The following ZNF623 variants were observed in gnomAD, a reference collection of about 807,000 sequenced individuals.
ZNF623 encodes zinc finger protein 623.
Under a neutral mutation model 24.0 loss-of-function variants are expected in ZNF623, and 16 were observed. That is an observed-to-expected ratio of 0.67 (90% CI 0.45 to 1.01). The LOEUF (loss-of-function observed/expected upper bound fraction) is 1.01. Ranked by LOEUF, ZNF623 falls within the 50% of genes least tolerant of loss-of-function variation. The probability of loss-of-function intolerance (pLI) is 0.00; values close to 1 mark genes in which losing one functional copy is unlikely to be tolerated. For missense variants in ZNF623, 566 were observed against 606.5 expected (o/e 0.93, Z 0.70); for synonymous variants, 224 against 219.8 (o/e 1.02, Z -0.17).
intron 1 of ZNF623, among the ~76,000 whole-genome samples, chr8:143,638,693 T>G (rs916466467): frequency 2.6e-5 from 4 of 151,572 alleles, no homozygotes; most frequent in Non-Finnish European, 5.9e-5. Flanking sequence ...AGGTGGAGAT[T>G]GCAGTGAGCC....
chr8:143,636,696 A>G (rs1417107513), intron 1 of ZNF623, among the ~76,000 whole-genome samples: 2 of 152,164 alleles, frequency 1.3e-5, no homozygotes, highest in East Asian at 3.9e-4. Flanking sequence ...GGGAAACATG[A>G]TGAGCAGAAT....
At chr8:143,636,187 C>T (rs938492167) in intron 1 of ZNF623, 42 bp downstream of exon 1, 3 of 152,064 alleles carry the variant, frequency 2.0e-5, no homozygotes, top group South Asian at 2.1e-4. Context: ...ACGCCTTAGC[C>T]GCAGCCCCGG....
intron 1 of ZNF623, among the ~76,000 whole-genome samples, chr8:143,641,314 T>C (rs1451726500): frequency 6.6e-6 from 1 of 152,198 alleles, no homozygotes; most frequent in African/African-American, 2.4e-5. Context: ...TAATAAGACT[T>C]GAAAGTTGGA....
intron 1 of ZNF623, among the ~76,000 whole-genome samples, chr8:143,645,852 G>A (rs757631344): frequency 1.3e-5 from 2 of 151,890 alleles, no homozygotes; most frequent in African/African-American, 2.4e-5. Context: ...ACCCAGAACC[G>A]TGCATTAAAA....
At chr8:143,642,223 T>G (rs1406413562) in intron 1 of ZNF623, among the ~76,000 whole-genome samples, 1 of 152,222 alleles carries the variant, frequency 6.6e-6, no homozygotes, top group South Asian at 2.1e-4. Flanking sequence ...GTGACTTCTT[T>G]CCTTAAACCT....
In ZNF623 at chr8:143,650,883, T is replaced by C; in HGVS notation, c.891T>C (p.His297=). 6.2e-7 allele frequency: 1 copy of C among 1,613,986 alleles called. No individual in the cohort carries two copies. Among genetic ancestry groups the C allele is most frequent in the South Asian group, 1.1e-5 (1 of 91,078 alleles). The stretch of plus-strand genomic sequence containing the variant: ...TTCGGAGTTCAAAGCTCATTCAGCA[T>C]CAGAGGATCCATACTGGGGAGAGGC... ...AFIRSSKLIQ[H]QRIHTGERPY... Residue 297 remains histidine, a synonymous_variant, in exon 2 of 2, where the codon CAT becomes CAC. Transcript: ENST00000526926. This position sits in a 1 kb window ranked among gnomAD's most constrained non-coding sequence, Gnocchi z 5.2.
At position 143,650,685 on chromosome 8, in the gene ZNF623, C is replaced by T. The variant is rs1303521864; in HGVS notation, c.693C>T (p.Ser231=). ...RPYECNECGK[S]FIRSSSLIRH... ...ATGAGTGCAATGAATGTGGGAAATCCTTCATAAGGAGCTCGAGCCTCATTC... is the reference window on the plus strand; with the variant it reads ...ATGAGTGCAATGAATGTGGGAAATCTTTCATAAGGAGCTCGAGCCTCATTC... The change falls in exon 2 of 2, where the codon TCC becomes TCT. Residue 231 remains serine (S), a synonymous_variant. Transcript: ENST00000526926. This position sits in a 1 kb window ranked among gnomAD's most constrained non-coding sequence, Gnocchi z 5.2. 2 of 1,613,840 alleles carry T rather than the reference C, an allele frequency of 1.2e-6. No individual in the cohort carries two copies. The highest frequency in any genetic ancestry group is 1.7e-6 in the Non-Finnish European group (2 of 1,180,016).
intron 1 of ZNF623, among the ~76,000 whole-genome samples, chr8:143,648,035 A>G (rs1254435010): frequency 3.9e-5 from 6 of 152,216 alleles, no homozygotes; most frequent in Admixed American, 2.6e-4. Context: ...TTAGGGTTGA[A>G]AAACTTCTGA....
intron 1 of ZNF623, 196 bp from the exon 2 acceptor site, chr8:143,649,702 G>T: frequency 3.2e-6 from 2 of 625,762 alleles, no homozygotes. Flanking sequence ...GTTAAAAGTG[G>T]AGCCACAAAG....
chr8:143,650,266 T>C lies in ZNF623; in HGVS notation c.274T>C (p.Phe92Leu), dbSNP rs989051355. 2.7e-5 allele frequency: 43 copies of C among 1,614,116 alleles called. No individual in the cohort carries two copies. The highest frequency in any genetic ancestry group is 3.6e-5 in the Non-Finnish European group (42 of 1,180,036). Residue 92 changes from phenylalanine (F) to leucine (L), a missense_variant, in exon 2 of 2, where the codon TTC (phenylalanine) becomes CTC (leucine). Transcript: ENST00000526926. This position sits in a 1 kb window ranked among gnomAD's most constrained non-coding sequence, Gnocchi z 5.2. The part of the protein sequence containing the change: ...ANPCDICGKT[F>L]TFNSDLVRHR... ...TCCTTGCGATATCTGTGGCAAAACC[T>C]TCACGTTTAATTCGGACCTAGTTAG...
chr8:143,650,744 A>G lies in ZNF623; in HGVS notation c.752A>G (p.Tyr251Cys). 1.2e-6 allele frequency: 2 copies of G among 1,614,112 alleles called. No individual in the cohort carries two copies. The highest frequency in any genetic ancestry group is 1.1e-5 in the South Asian group (1 of 91,074). ...CAGATCCACACAGAAGTGAAACAGT[A>G]TGAATGCAAAGAATGTGGGAAGGCA... Reference protein sequence around the residue: ...HYQIHTEVKQYECKECGKAFR... With the variant: ...HYQIHTEVKQCECKECGKAFR... Residue 251 changes from tyrosine to cysteine, a missense_variant, in exon 2 of 2, where the codon TAT (tyrosine) becomes TGT (cysteine). Tyr to Cys is a radical substitution (Grantham distance 194, BLOSUM62 -2). Around this residue, in one of 3 missense-constraint regions of ZNF623, gnomAD observed 117 missense variants for 174.2 expected, o/e 0.67. Transcript: ENST00000526926. This position sits in a 1 kb window ranked among gnomAD's most constrained non-coding sequence, Gnocchi z 5.2.
chr8:143,638,582 A>C (rs536944063), intron 1 of ZNF623, among the ~76,000 whole-genome samples: 98 of 151,222 alleles, frequency 6.5e-4, no homozygotes, highest in Non-Finnish European at 1.1e-3. Flanking sequence ...CTAAAAATGC[A>C]AAAAAATTAG....
At position 143,651,703 on chromosome 8, in the gene ZNF623, T is replaced by C. The variant is rs777343425; in HGVS notation, c.*220T>C. The C allele has an allele frequency of 1.9e-5, 10 of 514,066 alleles. No individual in the cohort carries two copies. Among genetic ancestry groups the C allele is most frequent in the Non-Finnish European group, 3.1e-5 (9 of 288,240 alleles). 31.8% of individuals were successfully genotyped at this position (514,066 alleles called of 1,614,324 possible). On this transcript the variant is annotated 3_prime_UTR_variant, in exon 2 of 2. Coordinates refer to ENST00000526926, the MANE Select transcript of ZNF623 (RefSeq NM_001261843.2). ...AGTCACAGGGCTTGACACCTGACTC[T>C]GAGCTGGAACAGTAGGGGCAGGGAG...
chr8:143,645,186 G>A (rs1308184701), intron 1 of ZNF623, among the ~76,000 whole-genome samples: 1 of 150,890 alleles, frequency 6.6e-6, no homozygotes, highest in East Asian at 2.0e-4. Flanking sequence ...GCTCATGCCT[G>A]TAATCCCAGC....
chr8:143,647,878 G>A (rs58858875), intron 1 of ZNF623, among the ~76,000 whole-genome samples: 11,108 of 152,294 alleles, frequency 0.073, 667 homozygotes, highest in East Asian at 0.25. Flanking sequence ...GGCTGTGGGC[G>A]TCTGGCGCTG....
chr8:143,643,179 A>G (rs1054259753), intron 1 of ZNF623, among the ~76,000 whole-genome samples: 1 of 152,238 alleles, frequency 6.6e-6, no homozygotes, highest in African/African-American at 2.4e-5. Flanking sequence ...GTAAGCACAC[A>G]GGGTTCTTAG....
Position 143,636,040 on chromosome 8 carries a change from G to A in ZNF623, c.-201G>A, listed in dbSNP as rs1209813549. 6.6e-6 allele frequency: 1 copy of A among 152,560 alleles called. No individual in the cohort carries two copies. Among genetic ancestry groups the A allele is most frequent in the Non-Finnish European group, 1.5e-5 (1 of 68,322 alleles). The allele number at this position is 152,560 out of a possible 1,614,324, so 9.5% of individuals were successfully genotyped here. A position where few individuals can be genotyped will look rare whatever the true frequency, so the allele number is the denominator to read the frequency against. ...TCGCGACTTCCGGTCGCGGCGGGCT[G>A]GCGGCGGTGCAGGCTTTGTCGGCTG... On this transcript the variant is annotated 5_prime_UTR_variant, in exon 1 of 2. Coordinates refer to ENST00000526926, the MANE Select transcript of ZNF623 (RefSeq NM_001261843.2).
chr8:143,643,646 G>T (rs1815109279), intron 1 of ZNF623, among the ~76,000 whole-genome samples: 1 of 152,240 alleles, frequency 6.6e-6, no homozygotes, highest in Admixed American at 6.5e-5. Flanking sequence ...GCCCCTGCCA[G>T]TGACAGTGTC....
rs1171587404 is a variant in ZNF623 at position 143,650,847 on chromosome 8, G to T, written c.855G>T (p.Gly285=). The T allele has an allele frequency of 6.2e-7, 1 of 1,614,184 alleles. No individual in the cohort carries two copies. The highest frequency in any genetic ancestry group is 1.6e-4 in the Middle Eastern group (1 of 6,062). ...GACCCTTTGAATGCAATGAGTGTGGGAAAGCCTTTATTCGGAGTTCAAAGC... is the reference window on the plus strand; with the variant it reads ...GACCCTTTGAATGCAATGAGTGTGGTAAAGCCTTTATTCGGAGTTCAAAGC... ...GERPFECNEC[G]KAFIRSSKLI... The change falls in exon 2 of 2, where the codon GGG becomes GGT. Residue 285 remains glycine, a synonymous_variant. Coordinates refer to ENST00000526926, the MANE Select transcript of ZNF623 (RefSeq NM_001261843.2). This position sits in a 1 kb window ranked among gnomAD's most constrained non-coding sequence, Gnocchi z 5.2.
Sources: allele counts gnomAD v4.1 joint callset (sites outside exome capture counted in the v4.1 genomes callset), GRCh38; gene constraint gnomAD v4.1.1; regional missense constraint gnomAD v4.1.1; non-coding constraint Gnocchi (gnomAD v3.1); transcripts MANE v1.5; gene names NCBI Gene and HGNC (gene_info 2026-07-23, HGNC 2026-07-21).